Variants in MECOM observed in about 807,000 individuals in gnomAD.
MECOM encodes the protein histone-lysine N-methyltransferase MECOM.
A neutral mutation model predicts 116.3 loss-of-function variants in MECOM; 13 were observed. That is an observed-to-expected ratio of 0.11 (90% CI 0.07 to 0.18). MECOM has a LOEUF of 0.18. MECOM is among the 10% of genes least tolerant of loss of function. The pLI, the probability that MECOM is intolerant of heterozygous loss-of-function variation, is 1.00. For synonymous variants in MECOM, 528 were observed against 535.2 expected (o/e 0.99, Z 0.19); for missense variants, 1,299 against 1,509.0 (o/e 0.86, Z 2.31).
intron 2 of MECOM, among the ~76,000 whole-genome samples, chr3:169,350,294 A>C (rs1048447850): frequency 6.6e-6 from 1 of 151,952 alleles, no homozygotes. Flanking sequence ...TCTACCCCCA[A>C]AGTAGTTGGG....
At chr3:169,406,839 G>GCT (rs1553844592) in intron 1 of MECOM, among the ~76,000 whole-genome samples, 4 of 143,452 alleles carry the variant, frequency 2.8e-5, no homozygotes, top group African/African-American at 1.0e-4. Context: ...TTTGGTTACT[G>GCT]TTTTTTTTTG....
At chr3:169,092,931 A>G (rs1720231532) in intron 14 of MECOM, 27 bp downstream of exon 14, 5 of 1,604,846 alleles carry the variant, frequency 3.1e-6, no homozygotes, top group Non-Finnish European at 2.5e-6. Context: ...GTCGTCACAG[A>G]GTTTAAAAAG....
chr3:169,451,507 T>A (rs1334728289), intron 1 of MECOM, among the ~76,000 whole-genome samples: 2 of 152,206 alleles, frequency 1.3e-5, no homozygotes, highest in East Asian at 3.8e-4. Context: ...TTTACCTGTT[T>A]GTTTAACACT....
chr3:169,313,161 A>G (rs1264828940), intron 2 of MECOM, among the ~76,000 whole-genome samples: 1 of 152,242 alleles, frequency 6.6e-6, no homozygotes, highest in Admixed American at 6.5e-5. Context: ...ACTGAGTCAA[A>G]GTGTAAAAGT....
At chr3:169,228,385 G>A (rs1752993063) in intron 2 of MECOM, among the ~76,000 whole-genome samples, 1 of 152,086 alleles carries the variant, frequency 6.6e-6, no homozygotes, top group Non-Finnish European at 1.5e-5. Flanking sequence ...CGTATGTTAC[G>A]ATCAAAGACT....
intron 1 of MECOM, among the ~76,000 whole-genome samples, chr3:169,404,745 T>A (rs575518294): frequency 1.3e-5 from 2 of 152,098 alleles, no homozygotes; most frequent in Non-Finnish European, 2.9e-5. Flanking sequence ...GGCTCCCCAG[T>A]CACCCAGCGC....
At position 169,558,992 on chromosome 3, in the gene MECOM, A is replaced by G. The variant is rs75210749; in HGVS notation, c.37+104344T>C. On this transcript the variant is annotated intron_variant, in intron 1 of 16. Coordinates refer to ENST00000651503, the MANE Select transcript of MECOM (RefSeq NM_004991.4). ...ATGTATAAAGTTACTGATATTCTACAATCCTCTGTCTTCTCAAAGCATCTA... is the reference window on the plus strand; with the variant it reads ...ATGTATAAAGTTACTGATATTCTACGATCCTCTGTCTTCTCAAAGCATCTA... Among the ~76,000 whole-genome samples the G allele has an allele frequency of 2.8e-3, 422 of 152,052 alleles. 4 individuals carry two copies. Among genetic ancestry groups the G allele is most frequent in the African/African-American group, 9.8e-3 (406 of 41,474 alleles).
At chr3:169,241,773 A>T (rs1473768539) in intron 2 of MECOM, among the ~76,000 whole-genome samples, 1 of 152,254 alleles carries the variant, frequency 6.6e-6, no homozygotes, top group Non-Finnish European at 1.5e-5. Flanking sequence ...ATGTTGCATC[A>T]CAAGATATCA....
intron 1 of MECOM, chr3:169,566,045 A>C (rs1407680828): frequency 2.4e-6 from 1 of 409,526 alleles, no homozygotes; most frequent in East Asian, 7.8e-5. Context: ...GACCTTCTTC[A>C]CATGGAGGCA....
At chr3:169,174,691 T>C (rs1577252322) in intron 2 of MECOM, among the ~76,000 whole-genome samples, 1 of 152,170 alleles carries the variant, frequency 6.6e-6, no homozygotes, top group Non-Finnish European at 1.5e-5. Context: ...AAAAATAGCA[T>C]CCACCTGAAA....
intron 2 of MECOM, among the ~76,000 whole-genome samples, chr3:169,311,692 T>C (rs2149731939): frequency 6.6e-6 from 1 of 152,280 alleles, no homozygotes; most frequent in South Asian, 2.1e-4. Flanking sequence ...TCTTTTTTTT[T>C]TGTACTTTTG....
chr3:169,614,114 C>T (rs73174385), intron 1 of MECOM, among the ~76,000 whole-genome samples: 4 of 138,180 alleles, frequency 2.9e-5, no homozygotes, highest in East Asian at 4.7e-4. Flanking sequence ...TTTCTTTTTT[C>T]TTTTTTTTTT....
Position 169,116,512 on chromosome 3 carries a change from T to A in MECOM, c.1360A>T (p.Thr454Ser), listed in dbSNP as rs1245852535. ...GCATGACTCATATTAACCATGGACG[T>A]TTTATCCATAGCTGGGGTTCCAGGA... ...SLPGTPAMDK[T>S]SMVNMSHANP... The change falls in exon 8 of 17, where the codon ACG (threonine) becomes TCG (serine). Residue 454 changes from threonine (T) to serine (S), a missense_variant. Physicochemically the swap from Thr to Ser is moderately conservative, Grantham distance 58. Around this residue, in one of 6 missense-constraint regions of MECOM, gnomAD observed 238 missense variants for 273.1 expected, o/e 0.87. Coordinates refer to ENST00000651503, the MANE Select transcript of MECOM (RefSeq NM_004991.4). 1.2e-6 allele frequency: 2 copies of A among 1,613,968 alleles called. No individual in the cohort carries two copies. Among genetic ancestry groups the A allele is most frequent in the Non-Finnish European group, 1.7e-6 (2 of 1,180,022 alleles).
At chr3:169,558,609 C>T (rs1762298953) in intron 1 of MECOM, among the ~76,000 whole-genome samples, 1 of 152,194 alleles carries the variant, frequency 6.6e-6, no homozygotes, top group Non-Finnish European at 1.5e-5. Flanking sequence ...TATCTCAGCA[C>T]CCACTTAGCC....
intron 1 of MECOM, among the ~76,000 whole-genome samples, chr3:169,402,813 A>G (rs1346540410): frequency 6.6e-6 from 1 of 152,140 alleles, no homozygotes; most frequent in East Asian, 1.9e-4. Flanking sequence ...ACGATGTTCA[A>G]TATTCTTTGG....
chr3:169,448,147 T>C (rs931016433), intron 1 of MECOM, among the ~76,000 whole-genome samples: 2 of 152,158 alleles, frequency 1.3e-5, no homozygotes, highest in East Asian at 3.8e-4. Context: ...ACCTGACCTA[T>C]AGTAGACATT....
intron 2 of MECOM, chr3:169,147,570 A>G (rs1175556538): frequency 1.0e-6 from 1 of 985,324 alleles, no homozygotes; most frequent in East Asian, 1.1e-4. Context: ...CCCAAGTCCT[A>G]TAGGGACAGA....
At chr3:169,423,944 A>T (rs1387372246) in intron 1 of MECOM, among the ~76,000 whole-genome samples, 1 of 152,176 alleles carries the variant, frequency 6.6e-6, no homozygotes, top group Non-Finnish European at 1.5e-5. Flanking sequence ...ATATAAGTAG[A>T]AGACAGATGT....
chr3:169,314,088 A>C (rs1418757413), intron 2 of MECOM, among the ~76,000 whole-genome samples: 1 of 152,220 alleles, frequency 6.6e-6, no homozygotes, highest in Non-Finnish European at 1.5e-5. Flanking sequence ...TCTGCTGTAC[A>C]CAATTAGCTA....
Sources: allele counts gnomAD v4.1 joint callset (sites outside exome capture counted in the v4.1 genomes callset), GRCh38; gene constraint gnomAD v4.1.1; regional missense constraint gnomAD v4.1.1; transcripts MANE v1.5; gene names NCBI Gene and HGNC (gene_info 2026-07-23, HGNC 2026-07-21).